TMEM205: variants seen among roughly 807,000 people sequenced by gnomAD.
TMEM205 encodes the protein MBC3205.
In TMEM205, 11 loss-of-function variants were observed where a neutral mutation model predicts 17.9. The ratio of observed to expected loss-of-function variants is 0.61; its 90% CI spans 0.39 to 1.02. The LOEUF (loss-of-function observed/expected upper bound fraction) is 1.02. Ranked by LOEUF, TMEM205 falls within the 50% of genes least tolerant of loss-of-function variation. The pLI, the probability that TMEM205 is intolerant of heterozygous loss-of-function variation, is 0.01. For missense variants in TMEM205, 236 were observed against 239.4 expected (o/e 0.99, Z 0.09); for synonymous variants, 86 against 97.4 (o/e 0.88, Z 0.69).
intron 2 of TMEM205, 91 bp from the exon 3 acceptor site, chr19:11,343,211 G>T: frequency 1.6e-6 from 2 of 1,244,284 alleles, no homozygotes; most frequent in Non-Finnish European, 2.2e-6. Context: ...ACAGCACAGG[G>T]GTGGGGGTGG....
chr19:11,345,088 C>A (rs1246430570), intron 2 of TMEM205, 164 bp downstream of exon 2: 1 of 654,214 alleles, frequency 1.5e-6, no homozygotes, highest in Non-Finnish European at 2.5e-6. Context: ...GAACTCCTGA[C>A]CTCGTGATCC....
chr19:11,345,412 A>C lies in TMEM205; in HGVS notation c.104T>G (p.Phe35Cys). ...TCGGGGAAGGCTTCGGAAAAGCAGG[A>C]AGCCTGCAGGGTATGGGGACCACAG... Reference protein sequence around the residue: ...MQMWVTFVSGFLLFRSLPRHT... With the variant: ...MQMWVTFVSGCLLFRSLPRHT... Residue 35 changes from phenylalanine to cysteine, a missense_variant, in exon 2 of 3, where the codon TTC becomes TGC. By Grantham distance (205) the Phe-to-Cys change is radical. Coordinates refer to ENST00000354882, the MANE Select transcript of TMEM205 (RefSeq NM_198536.3). The C allele has an allele frequency of 2.5e-6, 4 of 1,614,078 alleles. No individual in the cohort carries two copies. Among genetic ancestry groups the C allele is most frequent in the Non-Finnish European group, 3.4e-6 (4 of 1,180,006 alleles).
In TMEM205 at chr19:11,345,172, T is replaced by A. The variant is rs528246393; in HGVS notation, c.264+80A>T. On this transcript the variant is annotated intron_variant, in intron 2 of 2. Coordinates refer to ENST00000354882, the MANE Select transcript of TMEM205 (RefSeq NM_198536.3). ...TGCCTAGCCTTTTTTTTTCCCCCCCTGGAAAAGGTGTAGCCATAGGCGCTG... is the reference window on the plus strand; with the variant it reads ...TGCCTAGCCTTTTTTTTTCCCCCCCAGGAAAAGGTGTAGCCATAGGCGCTG... 10 of 1,457,892 alleles carry A rather than the reference T, an allele frequency of 6.9e-6. No individual in the cohort carries two copies. The East Asian group carries it at 2.1e-4, about 31-fold the overall frequency. The allele number at this position is 1,457,892 out of a possible 1,614,324, so 90.3% of individuals were successfully genotyped here.
intron 2 of TMEM205, among the ~76,000 whole-genome samples, chr19:11,343,940 C>CTTTTT (rs1160054893): frequency 4.0e-5 from 5 of 124,626 alleles, no homozygotes; most frequent in Middle Eastern, 3.8e-3. Flanking sequence ...AGACCCTCAT[C>CTTTTT]TTTTTTTTTT....
chr19:11,346,230 G>A lies in TMEM205; in HGVS notation c.-611C>T, dbSNP rs1967222871. The A allele has an allele frequency of 3.1e-6, 1 of 323,112 alleles. No homozygotes were observed. Among genetic ancestry groups the A allele is most frequent in the Non-Finnish European group, 5.8e-6 (1 of 173,296 alleles). The allele number at this position is 323,112 out of a possible 1,614,324, so 20.0% of individuals were successfully genotyped here. On this transcript the variant is annotated 5_prime_UTR_variant, in exon 1 of 3. Coordinates refer to ENST00000354882, the MANE Select transcript of TMEM205 (RefSeq NM_198536.3). ...TACCTCACTCCCACGCCCCCGGGTG[G>A]ACAGCGACCCTCCTCGGCCGCGTCC...
At position 11,345,271 on chromosome 19, in the gene TMEM205, G is replaced by A. The variant is rs368530574; in HGVS notation, c.245C>T (p.Thr82Ile). 3.1e-6 allele frequency: 5 copies of A among 1,614,038 alleles called. No homozygotes were observed. Among genetic ancestry groups the A allele is most frequent in the East Asian group, 2.2e-5 (1 of 44,892 alleles). The change falls in exon 2 of 3, where the codon ACA (threonine) becomes ATA (isoleucine). Residue 82 changes from threonine (T) to isoleucine (I), a missense_variant. By Grantham distance (89) the Thr-to-Ile change is moderately conservative. Coordinates refer to ENST00000354882, the MANE Select transcript of TMEM205 (RefSeq NM_198536.3). ...LASQHAWAQL[T>I]FWEASQLYLL... is the part of the protein sequence containing the mutation. The stretch of plus-strand genomic sequence containing the variant: ...ACGTACCTGGCTGGCCTCCCAGAAT[G>A]TGAGCTGAGCCCAAGCATGCTGTGA...
upstream of TMEM205, chr19:11,346,491 C>A (rs1244887886): frequency 1.1e-5 from 15 of 1,309,206 alleles, no homozygotes; most frequent in Non-Finnish European, 1.5e-5. Context: ...AGGGGCGGAA[C>A]TAAAATGCCG....
intron 1 of TMEM205, 34 bp downstream of exon 1, chr19:11,345,486 A>C: frequency 6.2e-7 from 1 of 1,614,050 alleles, no homozygotes; most frequent in South Asian, 1.1e-5. Flanking sequence ...TCCCCACCCC[A>C]GGTACCCATG....
Position 11,343,063 on chromosome 19 carries a change from G to A in TMEM205, c.322C>T (p.Pro108Ser), listed in dbSNP as rs772536921. The A allele has an allele frequency of 3.1e-6, 5 of 1,613,868 alleles. No homozygotes were observed. In the South Asian group the frequency reaches 5.5e-5, roughly 18 times the overall value. Residue 108 changes from proline (P) to serine (S), a missense_variant, in exon 3 of 3, where the codon CCC becomes TCC. By Grantham distance (74) the Pro-to-Ser change is moderately conservative. Coordinates refer to ENST00000354882, the MANE Select transcript of TMEM205 (RefSeq NM_198536.3). ...GCCCACATGGCAGCTGTGGTGCGGGGTTCCAGCCAGCGGGCGTTGACAGTG... is the reference window on the plus strand; with the variant it reads ...GCCCACATGGCAGCTGTGGTGCGGGATTCCAGCCAGCGGGCGTTGACAGTG... ...LATVNARWLE[P>S]RTTAAMWALQ...
Position 11,345,966 on chromosome 19 carries a change from C to A in TMEM205, c.-347G>T. The A allele has an allele frequency of 3.6e-6, 1 of 281,000 alleles. No individual in the cohort carries two copies. Among genetic ancestry groups the A allele is most frequent in the Non-Finnish European group, 6.9e-6 (1 of 145,438 alleles). 17.4% of individuals were successfully genotyped at this position (281,000 alleles called of 1,614,324 possible). A position where few individuals can be genotyped will look rare whatever the true frequency, so the allele number is the denominator to read the frequency against. On this transcript the variant is annotated 5_prime_UTR_variant, in exon 1 of 3. Coordinates refer to ENST00000354882, the MANE Select transcript of TMEM205 (RefSeq NM_198536.3). ...AATTCCCAAATATCACCCCAGGGAT[C>A]CAGTTCTGACAGCCAAGACCACTCC... is the stretch of plus-strand genomic sequence containing the variant.
rs1294153306 is a variant in TMEM205 at position 11,345,264 on chromosome 19, C to T, written c.252G>A (p.Trp84Ter). The change falls in exon 2 of 3, where the codon TGG becomes TGA. Residue 84 changes from tryptophan to a stop codon, truncating the protein, a stop_gained. Coordinates refer to ENST00000354882, the MANE Select transcript of TMEM205 (RefSeq NM_198536.3). LOFTEE classifies it high-confidence loss of function. ...CAAACCCACGTACCTGGCTGGCCTCCCAGAATGTGAGCTGAGCCCAAGCAT... is the reference window on the plus strand; with the variant it reads ...CAAACCCACGTACCTGGCTGGCCTCTCAGAATGTGAGCTGAGCCCAAGCAT... ...SQHAWAQLTF[W>*]EASQLYLLFL... 1 of 1,613,928 alleles carries T rather than the reference C, an allele frequency of 6.2e-7. No homozygotes were observed. The highest frequency in any genetic ancestry group is 8.5e-7 in the Non-Finnish European group (1 of 1,180,010).
At chr19:11,345,067 A>G in intron 2 of TMEM205, 185 bp downstream of exon 2, 2 of 555,786 alleles carry the variant, frequency 3.6e-6, no homozygotes, top group Non-Finnish European at 6.3e-6. Context: ...CATGTTGGTC[A>G]GGCTGGTCTT....
rs1180611406 is a variant in TMEM205, at chr19:11,346,212, C to G, written c.-593G>C. ...CAAATGGGCTGAATCTGGTACCTCACTCCCACGCCCCCGGGTGGACAGCGA... is the reference window on the plus strand; with the variant it reads ...CAAATGGGCTGAATCTGGTACCTCAGTCCCACGCCCCCGGGTGGACAGCGA... On this transcript the variant is annotated 5_prime_UTR_variant, in exon 1 of 3. Coordinates refer to ENST00000354882, the MANE Select transcript of TMEM205 (RefSeq NM_198536.3). The G allele has an allele frequency of 1.3e-5, 4 of 300,814 alleles. No homozygotes were observed. The highest frequency in any genetic ancestry group is 9.2e-5 in the African/African-American group (4 of 43,658). The allele number at this position is 300,814 out of a possible 1,614,324, so 18.6% of individuals were successfully genotyped here.
rs1435109702 is a variant in TMEM205, at chr19:11,345,714, G to T, written c.-95C>A. The T allele has an allele frequency of 8.5e-6, 13 of 1,538,182 alleles. No homozygotes were observed. In the Admixed American group the frequency reaches 2.7e-4, roughly 32 times the overall value. Reference sequence around the variant, plus strand: ...CCCTGTGAGCCCGCTCGGGGACAGGGTTACGGCCAATCCAGCAGAGATTCT... The same window carrying T: ...CCCTGTGAGCCCGCTCGGGGACAGGTTTACGGCCAATCCAGCAGAGATTCT... On this transcript the variant is annotated 5_prime_UTR_variant, in exon 1 of 3. Transcript: ENST00000354882.
intron 2 of TMEM205, 90 bp downstream of exon 2, chr19:11,345,162 T>A (rs1036477590): frequency 1.6e-5 from 23 of 1,419,550 alleles, no homozygotes; most frequent in Non-Finnish European, 2.1e-5. Context: ...AGCCTTTTTT[T>A]TTCCCCCCCT....
intron 2 of TMEM205, among the ~76,000 whole-genome samples, chr19:11,344,373 C>A (rs1382492944): frequency 1.3e-5 from 2 of 151,158 alleles, no homozygotes; most frequent in Admixed American, 1.3e-4. Context: ...GAAAAAAAAA[C>A]AGTCTGTGAA....
chr19:11,342,963 C>A lies in TMEM205; in HGVS notation c.422G>T (p.Arg141Leu). 6.2e-7 allele frequency: 1 copy of A among 1,614,174 alleles called. No individual in the cohort carries two copies. Among genetic ancestry groups the A allele is most frequent in the Non-Finnish European group, 8.5e-7 (1 of 1,180,038 alleles). The change falls in exon 3 of 3, where the codon CGC becomes CTC. Residue 141 changes from arginine (R) to leucine (L), a missense_variant. Arg to Leu is a moderately radical substitution (Grantham distance 102). Coordinates refer to ENST00000354882, the MANE Select transcript of TMEM205 (RefSeq NM_198536.3). ...PGSHQGPDPY[R>L]QLREKDPKYS... The stretch of plus-strand genomic sequence containing the variant: ...CTTGGGGTCCTTCTCTCGCAGCTGG[C>A]GGTAGGGATCGGGACCCTGGTGGCT...
At position 11,342,933 on chromosome 19, in the gene TMEM205, C is replaced by T; in HGVS notation, c.452G>A (p.Ser151Asn). The T allele has an allele frequency of 6.2e-7, 1 of 1,614,208 alleles. No homozygotes were observed. Among genetic ancestry groups the T allele is most frequent in the Non-Finnish European group, 8.5e-7 (1 of 1,180,032 alleles). ...GCGGAAGAAATTCTGGCGGAGAGCA[C>T]TGTACTTGGGGTCCTTCTCTCGCAG... The part of the protein sequence containing the change: ...RQLREKDPKY[S>N]ALRQNFFRYH... The change falls in exon 3 of 3, where the codon AGT (serine) becomes AAT (asparagine). Residue 151 changes from serine to asparagine, a missense_variant. By Grantham distance (46) the Ser-to-Asn change is conservative. Coordinates refer to ENST00000354882, the MANE Select transcript of TMEM205 (RefSeq NM_198536.3).
At chr19:11,343,521 G>A (rs1292132907) in intron 2 of TMEM205, among the ~76,000 whole-genome samples, 3 of 152,238 alleles carry the variant, frequency 2.0e-5, no homozygotes, top group Non-Finnish European at 4.4e-5. Context: ...AGTGGCTCAT[G>A]CCTATAGTCC....
Sources: gnomAD v4.1 joint callset for allele counts (sites outside exome capture counted in the v4.1 genomes callset) on GRCh38, gnomAD v4.1.1 for gene constraint, MANE v1.5 for transcripts, NCBI Gene and HGNC (gene_info 2026-07-23, HGNC 2026-07-21) for gene names.